The following ANKRD30BL variants were observed in gnomAD, a reference collection of about 807,000 sequenced individuals.
The protein encoded by ANKRD30BL is ankyrin repeat domain 30B like, also known as putative ankyrin repeat domain-containing protein 30B-like.
Under a neutral mutation model 18.4 loss-of-function variants are expected in ANKRD30BL, and 20 were observed. The ratio of observed to expected loss-of-function variants is 1.09; its 90% CI spans 0.77 to 1.58. The LOEUF is 1.58. Among genes scored for constraint, ANKRD30BL ranks in the 40% most tolerant of loss-of-function variants. ANKRD30BL has a pLI of 0.00. For synonymous variants in ANKRD30BL, 72 were observed against 100.9 expected (o/e 0.71, Z 1.72); for missense variants, 224 against 268.6 (o/e 0.83, Z 1.16).
intron 1 of ANKRD30BL, among the ~76,000 whole-genome samples, chr2:132,180,856 G>A (rs1413237045): frequency 2.0e-5 from 3 of 152,066 alleles, no homozygotes; most frequent in Non-Finnish European, 4.4e-5. Context: ...ACGTTATAAA[G>A]TGAGGGATAG....
Position 132,230,575 on chromosome 2 carries a change from C to A in ANKRD30BL, n.441+26954G>T, listed in dbSNP as rs561633394. Among the ~76,000 whole-genome samples, 14 of 152,072 alleles carry A rather than the reference C, an allele frequency of 9.2e-5. No homozygotes were observed. The South Asian group carries it at 2.9e-3, about 32-fold the overall frequency. On this transcript the variant is annotated intron_variant and non_coding_transcript_variant, in intron 1 of 4. Transcript: ENST00000470729. ...AGCTTTTCATGGAGCAGTTTTGAAG[C>A]ACTGTTTTTGGACAATCTGCAAGTG...
intron 1 of ANKRD30BL, among the ~76,000 whole-genome samples, chr2:132,197,236 A>G (rs2104743386): frequency 6.6e-6 from 1 of 152,376 alleles, no homozygotes; most frequent in East Asian, 1.9e-4. Context: ...CAGAAGAAAT[A>G]AAAATGAATC....
Position 132,226,740 on chromosome 2 carries a change from T to C in ANKRD30BL, n.441+30789A>G, listed in dbSNP as rs530938663. On this transcript the variant is annotated intron_variant and non_coding_transcript_variant, in intron 1 of 4. Transcript: ENST00000470729. ...AGAATCCTGAGAAACTTCTTTGTGA[T>C]GTGTGCGTTCATCTCACAGAGTTGA... is the stretch of plus-strand genomic sequence containing the variant. 3.3e-5 allele frequency among the ~76,000 whole-genome samples: 5 copies of C among 152,072 alleles called. No homozygotes were observed. The East Asian group carries it at 7.8e-4, about 24-fold the overall frequency.
chr2:132,234,392 C>T (rs915674634), intron 1 of ANKRD30BL, among the ~76,000 whole-genome samples: 13 of 151,670 alleles, frequency 8.6e-5, no homozygotes, highest in African/African-American at 3.1e-4. Context: ...ATTAATGAAT[C>T]CAGGAGCTGG....
At chr2:132,246,923 A>C (rs370675120) in intron 1 of ANKRD30BL, among the ~76,000 whole-genome samples, 1 of 146,312 alleles carries the variant, frequency 6.8e-6, no homozygotes, top group Non-Finnish European at 1.5e-5. Flanking sequence ...TTTTTGTAGT[A>C]TCTGCAAGTG....
chr2:132,165,132 G>T (rs996359542), upstream of ANKRD30BL, among the ~76,000 whole-genome samples: 1 of 152,026 alleles, frequency 6.6e-6, no homozygotes, highest in Admixed American at 6.5e-5. Flanking sequence ...CACAGTTGTG[G>T]TATCATACAG....
intron 1 of ANKRD30BL, among the ~76,000 whole-genome samples, chr2:132,250,711 C>T (rs7583855): frequency 0.17 from 26,083 of 152,090 alleles, 4,934 homozygotes; most frequent in African/African-American, 0.47. Context: ...TTCTTTTGCT[C>T]CTCAGATCCA....
intron 1 of ANKRD30BL, among the ~76,000 whole-genome samples, chr2:132,232,473 T>C (rs1207872248): frequency 6.6e-6 from 1 of 151,716 alleles, no homozygotes; most frequent in Non-Finnish European, 1.5e-5. Context: ...GAATAACCAA[T>C]AGAGAGAAGT....
intron 1 of ANKRD30BL, among the ~76,000 whole-genome samples, chr2:132,168,139 A>C (rs1444798838): frequency 6.6e-6 from 1 of 152,140 alleles, no homozygotes; most frequent in East Asian, 1.9e-4. Context: ...TTTCTGAGAA[A>C]GTTTTCTATT....
At position 132,147,779 on chromosome 2, in the gene ANKRD30BL, A is replaced by G. The variant is rs969849912; in HGVS notation, c.*352T>C. On this transcript the variant is annotated 3_prime_UTR_variant, in exon 6 of 6. Coordinates refer to ENST00000409867, the MANE Select transcript of ANKRD30BL (RefSeq NM_001358416.1). ...TAAGCCAATTCAGATTGGCTATTTA[A>G]AGAGGGCAGGGGTATGAGCTGGAGT... 1.5e-5 allele frequency: 4 copies of G among 268,290 alleles called. No individual in the cohort carries two copies. The highest frequency in any genetic ancestry group is 3.0e-5 in the Non-Finnish European group (4 of 134,704). The allele number at this position is 268,290 out of a possible 1,614,324, so 16.6% of individuals were successfully genotyped here.
At chr2:132,186,569 A>G (rs1368345095) in intron 1 of ANKRD30BL, among the ~76,000 whole-genome samples, 2 of 152,206 alleles carry the variant, frequency 1.3e-5, no homozygotes, top group Non-Finnish European at 2.9e-5. Context: ...ATATAATCCT[A>G]TAATATTGTT....
At chr2:132,221,913 A>T (rs1320708529) in intron 1 of ANKRD30BL, among the ~76,000 whole-genome samples, 4 of 99,448 alleles carry the variant, frequency 4.0e-5, no homozygotes, top group Admixed American at 1.0e-4. Context: ...TCTGGGAGGG[A>T]GGTGGGGGGA....
intron 1 of ANKRD30BL, among the ~76,000 whole-genome samples, chr2:132,180,220 C>CTTTT (rs34690292): frequency 1.5e-5 from 2 of 136,822 alleles, no homozygotes; most frequent in Non-Finnish European, 3.1e-5. Flanking sequence ...CAAGTGTACC[C>CTTTT]TTTTTTTTTT....
chr2:132,217,587 G>A (rs4510273), intron 1 of ANKRD30BL, among the ~76,000 whole-genome samples: 6,842 of 152,170 alleles, frequency 0.045, 416 homozygotes, highest in African/African-American at 0.15. Context: ...TGAGGCATTC[G>A]TTGGAAGTCG....
intron 1 of ANKRD30BL, among the ~76,000 whole-genome samples, chr2:132,171,499 T>G (rs1447265838): frequency 6.6e-6 from 1 of 152,166 alleles, no homozygotes; most frequent in African/African-American, 2.4e-5. Context: ...AGGACATTAA[T>G]CAGTTTTAAT....
At chr2:132,193,563 T>C (rs1317099757) in intron 1 of ANKRD30BL, among the ~76,000 whole-genome samples, 2 of 152,056 alleles carry the variant, frequency 1.3e-5, no homozygotes, top group Admixed American at 6.6e-5. Context: ...TCCATGACCA[T>C]GTAATCTACT....
upstream of ANKRD30BL, among the ~76,000 whole-genome samples, chr2:132,166,737 C>T (rs1274088335): frequency 6.6e-6 from 1 of 151,918 alleles, no homozygotes; most frequent in African/African-American, 2.4e-5. Flanking sequence ...GTTTATGGAT[C>T]TTTTCAAAGA....
At chr2:132,151,414 G>A (rs11890402) in intron 4 of ANKRD30BL, among the ~76,000 whole-genome samples, 1 of 151,640 alleles carries the variant, frequency 6.6e-6, no homozygotes, top group Non-Finnish European at 1.5e-5. Flanking sequence ...AAAAAATGAA[G>A]CAAAAAAAAT....
intron 1 of ANKRD30BL, chr2:132,257,392 A>G (rs1365312276): frequency 1.8e-5 from 6 of 325,286 alleles, no homozygotes; most frequent in Non-Finnish European, 2.4e-5. Context: ...CAGCCTCCCA[A>G]CCGCTAGGAC....
Sources: gnomAD v4.1 joint callset for allele counts (sites outside exome capture counted in the v4.1 genomes callset) on GRCh38, gnomAD v4.1.1 for gene constraint, MANE v1.5 for transcripts, NCBI Gene and HGNC (gene_info 2026-07-23, HGNC 2026-07-21) for gene names.